The following CBLB variants were observed in gnomAD, a reference collection of about 807,000 sequenced individuals.
CBLB encodes E3 ubiquitin-protein ligase CBL-B.
Under a neutral mutation model 104.9 loss-of-function variants are expected in CBLB, and 31 were observed. The ratio of observed to expected loss-of-function variants is 0.30; its 90% CI spans 0.22 to 0.40. CBLB has a LOEUF of 0.40. Among genes scored for constraint, CBLB ranks in the 10% least tolerant of loss-of-function variants. The pLI, the probability that CBLB is intolerant of heterozygous loss-of-function variation, is 1.00. For missense variants in CBLB, 1,062 were observed against 1,214.6 expected, an observed-to-expected ratio of 0.87 and a Z score of 1.87; for synonymous variants, 440 against 422.6, an observed-to-expected ratio of 1.04 and a Z score of -0.51.
chr3:105,677,358 A>C (rs2152715194), intron 17 of CBLB, among the ~76,000 whole-genome samples: 1 of 152,022 alleles, frequency 6.6e-6, no homozygotes, highest in Non-Finnish European at 1.5e-5. Context: ...AGTAAAAAAA[A>C]AAAAAAAAAA....
At chr3:105,765,052 G>A (rs1228263876) in intron 4 of CBLB, among the ~76,000 whole-genome samples, 1 of 152,208 alleles carries the variant, frequency 6.6e-6, no homozygotes, top group African/African-American at 2.4e-5. Flanking sequence ...TAACATAAAA[G>A]TGCAAGGTGA....
At chr3:105,852,694 T>C (rs1019698827) in intron 3 of CBLB, among the ~76,000 whole-genome samples, 2 of 152,172 alleles carry the variant, frequency 1.3e-5, no homozygotes, top group Non-Finnish European at 1.5e-5. Context: ...GCAAGCTCCA[T>C]GCATGTTATA....
chr3:105,702,338 C>T lies in CBLB; in HGVS notation c.1715G>A (p.Ser572Asn). ...GCTTTCCACATGATGGATGTGTCTA[C>T]TCAGTCTATTGTCTGGTGGGATTGG... is the stretch of plus-strand genomic sequence containing the variant. ...PPPIPPDNRL[S>N]RHIHHVESVP... The change falls in exon 12 of 19, where the codon AGT becomes AAT. Residue 572 changes from serine to asparagine, a missense_variant. By Grantham distance (46) the Ser-to-Asn change is conservative. Around this residue, in one of 2 missense-constraint regions of CBLB, gnomAD observed 605 missense variants for 582.6 expected, o/e 1.04. Coordinates refer to ENST00000394030, the MANE Select transcript of CBLB (RefSeq NM_170662.5). 6.2e-7 allele frequency: 1 copy of T among 1,613,976 alleles called. No homozygotes were observed. The highest frequency in any genetic ancestry group is 1.1e-5 in the South Asian group (1 of 91,062).
Position 105,656,628 on chromosome 3 carries a change from C to T in CBLB, c.*2342G>A, listed in dbSNP as rs1460964747. The T allele has an allele frequency of 9.3e-6, 1 of 107,914 alleles. No individual in the cohort carries two copies. Among genetic ancestry groups the T allele is most frequent in the Non-Finnish European group, 1.7e-5 (1 of 58,198 alleles). 6.7% of individuals were successfully genotyped at this position (107,914 alleles called of 1,614,324 possible). On this transcript the variant is annotated 3_prime_UTR_variant, in exon 19 of 19. Transcript: ENST00000394030. ...ACAGATATCCCCCCACCCCCCACCC[C>T]CAAATTTCAGGTCCAGGTTTGCTAT... is the stretch of plus-strand genomic sequence containing the variant.
chr3:105,748,331 C>T (rs2076294960), intron 5 of CBLB, among the ~76,000 whole-genome samples: 1 of 152,176 alleles, frequency 6.6e-6, no homozygotes, highest in Admixed American at 6.5e-5. Flanking sequence ...CCTAGACACT[C>T]TCTATAATTC....
intron 18 of CBLB, among the ~76,000 whole-genome samples, chr3:105,664,723 CAT>C (rs2064179664): frequency 6.6e-6 from 1 of 152,158 alleles, no homozygotes; most frequent in South Asian, 2.1e-4. Flanking sequence ...CGATTTCGCT[CAT>C]GTGAAAAATA....
intron 3 of CBLB, among the ~76,000 whole-genome samples, chr3:105,844,985 G>A (rs935599694): frequency 7.2e-5 from 11 of 152,186 alleles, no homozygotes; most frequent in African/African-American, 2.6e-4. Context: ...TGGGAGTATT[G>A]TTATTATGAA....
At chr3:105,732,733 CT>C (rs1189545787) in intron 9 of CBLB, among the ~76,000 whole-genome samples, 4 of 152,100 alleles carry the variant, frequency 2.6e-5, no homozygotes, top group African/African-American at 9.7e-5. Context: ...CAATGCCCCT[CT>C]GAGTCTGTCA....
At chr3:105,736,409 C>T (rs1039311860) in intron 8 of CBLB, among the ~76,000 whole-genome samples, 13 of 152,158 alleles carry the variant, frequency 8.5e-5, no homozygotes, top group African/African-American at 3.1e-4. Flanking sequence ...ATGTTACCTA[C>T]ATGTACTTTA....
intron 13 of CBLB, among the ~76,000 whole-genome samples, chr3:105,693,058 C>T (rs2067914340): frequency 6.6e-6 from 1 of 151,676 alleles, no homozygotes; most frequent in Non-Finnish European, 1.5e-5. Flanking sequence ...ATATGAAAAA[C>T]TCCAAAAGAA....
At chr3:105,835,832 A>T (rs2088394552) in intron 3 of CBLB, among the ~76,000 whole-genome samples, 1 of 152,238 alleles carries the variant, frequency 6.6e-6, no homozygotes, top group South Asian at 2.1e-4. Context: ...TGCTACAAGA[A>T]TTCCAGTTAT....
intron 8 of CBLB, among the ~76,000 whole-genome samples, chr3:105,734,741 C>T (rs140763511): frequency 6.6e-6 from 1 of 152,304 alleles, no homozygotes; most frequent in African/African-American, 2.4e-5. Context: ...ATCAGTTTAA[C>T]TTGTTTGCTT....
At chr3:105,855,856 G>A (rs1293260220) in intron 2 of CBLB, among the ~76,000 whole-genome samples, 1 of 151,934 alleles carries the variant, frequency 6.6e-6, no homozygotes, top group African/African-American at 2.4e-5. Context: ...TTGTACTTTC[G>A]TATTCTTTAT....
chr3:105,763,694 CT>C (rs753299848), intron 4 of CBLB, among the ~76,000 whole-genome samples: 1 of 152,292 alleles, frequency 6.6e-6, no homozygotes, highest in Non-Finnish European at 1.5e-5. Flanking sequence ...GTTTTATTTA[CT>C]TTGCTATTAA....
At chr3:105,771,307 C>G (rs1040784618) in intron 4 of CBLB, among the ~76,000 whole-genome samples, 2 of 151,972 alleles carry the variant, frequency 1.3e-5, no homozygotes, top group Non-Finnish European at 2.9e-5. Flanking sequence ...TCTCAATAGA[C>G]CCAGAAATAG....
At chr3:105,790,203 T>C (rs1383579268) in intron 3 of CBLB, among the ~76,000 whole-genome samples, 2 of 152,230 alleles carry the variant, frequency 1.3e-5, no homozygotes, top group East Asian at 1.9e-4. Flanking sequence ...GATAGGAAGA[T>C]TGTATACTTT....
chr3:105,800,026 T>C (rs2082661028), intron 3 of CBLB, among the ~76,000 whole-genome samples: 2 of 152,184 alleles, frequency 1.3e-5, no homozygotes, highest in Admixed American at 6.5e-5. Flanking sequence ...CTTAAAAATA[T>C]GTGATGTCCT....
At chr3:105,778,351 G>GT (rs761982125) in intron 3 of CBLB, among the ~76,000 whole-genome samples, 8 of 152,074 alleles carry the variant, frequency 5.3e-5, no homozygotes, top group Non-Finnish European at 1.2e-4. Flanking sequence ...AATAACTCAT[G>GT]TTTTTTACCA....
intron 9 of CBLB, among the ~76,000 whole-genome samples, chr3:105,729,319 T>C (rs2074045103): frequency 6.6e-6 from 1 of 152,110 alleles, no homozygotes; most frequent in African/African-American, 2.4e-5. Flanking sequence ...TCTTTTCAGT[T>C]CAGAGCATAC....
Sources: gnomAD v4.1 joint callset for allele counts (sites outside exome capture counted in the v4.1 genomes callset) on GRCh38, gnomAD v4.1.1 for gene constraint, gnomAD v4.1.1 regional missense constraint, MANE v1.5 for transcripts, NCBI Gene and HGNC (gene_info 2026-07-23, HGNC 2026-07-21) for gene names.